The following PAPOLA variants were observed in gnomAD, a reference collection of about 807,000 sequenced individuals.
PAPOLA encodes polynucleotide adenylyltransferase alpha.
A neutral mutation model predicts 100.6 loss-of-function variants in PAPOLA; 15 were observed. The observed-to-expected ratio is 0.15, with a 90% CI of 0.10 to 0.23. The LOEUF is 0.23. Among genes scored for constraint, PAPOLA ranks in the 10% least tolerant of loss-of-function variants. PAPOLA has a pLI of 1.00. For missense variants in PAPOLA, 533 were observed against 884.2 expected, an observed-to-expected ratio of 0.60 and a Z score of 5.04; for synonymous variants, 293 against 300.0, an observed-to-expected ratio of 0.98 and a Z score of 0.24.
At position 96,555,827 on chromosome 14, in the gene PAPOLA, T is replaced by G; in HGVS notation, c.1665-20T>G. Reference sequence around the variant, plus strand: ...TCTATTTTTAAATTTTGAGACAATTTTTAATTTTTTTTTTTTTAGCAGAAA... The same window carrying G: ...TCTATTTTTAAATTTTGAGACAATTGTTAATTTTTTTTTTTTTAGCAGAAA... On this transcript the variant is annotated intron_variant, in intron 17 of 21. Transcript: ENST00000216277. 7.4e-7 allele frequency: 1 copy of G among 1,354,398 alleles called. No homozygotes were observed. Among genetic ancestry groups the G allele is most frequent in the Non-Finnish European group, 1.0e-6 (1 of 985,488 alleles). 83.9% of individuals were successfully genotyped at this position (1,354,398 alleles called of 1,614,324 possible).
chr14:96,542,602 A>C (rs2140304029), intron 13 of PAPOLA, 172 bp from the exon 14 acceptor site: 1 of 603,118 alleles, frequency 1.7e-6, no homozygotes, highest in East Asian at 3.1e-5. Context: ...GTGTGAATGG[A>C]GTGTTTCTTG....
intron 7 of PAPOLA, 154 bp from the exon 8 acceptor site, chr14:96,532,177 C>T (rs1899078867): frequency 5.7e-6 from 8 of 1,399,610 alleles, no homozygotes; most frequent in African/African-American, 1.5e-5. Context: ...ACTGGTTCTA[C>T]CAAATAAAAA....
chr14:96,507,541 C>T (rs1052098217), intron 1 of PAPOLA, among the ~76,000 whole-genome samples: 6 of 152,042 alleles, frequency 3.9e-5, no homozygotes, highest in Admixed American at 1.3e-4. Flanking sequence ...TCCCAAAGTG[C>T]TGGGATTACA....
At chr14:96,520,928 A>G (rs745578488) in intron 2 of PAPOLA, 78 bp from the exon 3 acceptor site, 1 of 765,176 alleles carries the variant, frequency 1.3e-6, no homozygotes, top group Non-Finnish European at 2.4e-6. Context: ...TAATTTAGGA[A>G]GAACGCCTAT....
At chr14:96,507,389 G>A (rs1566829688) in intron 1 of PAPOLA, among the ~76,000 whole-genome samples, 1 of 137,948 alleles carries the variant, frequency 7.2e-6, no homozygotes, top group Non-Finnish European at 1.5e-5. Flanking sequence ...CCGGGTTCAC[G>A]CCATTCTCCT....
At chr14:96,525,159 A>AT (rs1898355215) in intron 3 of PAPOLA, 151 bp from the exon 4 acceptor site, 3 of 520,742 alleles carry the variant, frequency 5.8e-6, no homozygotes, top group East Asian at 3.5e-5. Flanking sequence ...AGGGGCTGGT[A>AT]TTTTTTAAGA....
chr14:96,514,416 C>T (rs144750657), intron 1 of PAPOLA, among the ~76,000 whole-genome samples: 41 of 151,884 alleles, frequency 2.7e-4, no homozygotes, highest in African/African-American at 9.4e-4. Context: ...CTCCTGACGT[C>T]GTGATCCGCC....
At chr14:96,534,172 T>C (rs1292815935) in intron 9 of PAPOLA, 7 of 1,088,824 alleles carry the variant, frequency 6.4e-6, no homozygotes, top group African/African-American at 1.6e-5. Flanking sequence ...TGGAGATTTA[T>C]TCTGTTCAAG....
intron 16 of PAPOLA, among the ~76,000 whole-genome samples, chr14:96,549,216 C>G (rs1341337384): frequency 2.0e-5 from 3 of 151,296 alleles, no homozygotes; most frequent in Non-Finnish European, 4.4e-5. Flanking sequence ...GGTCTAAAAT[C>G]AGTTTTTAAG....
intron 3 of PAPOLA, among the ~76,000 whole-genome samples, chr14:96,521,645 C>G (rs917455830): frequency 6.6e-6 from 1 of 152,152 alleles, no homozygotes; most frequent in Non-Finnish European, 1.5e-5. Context: ...CATGTCCCTT[C>G]ACACCTGGCT....
intron 21 of PAPOLA, among the ~76,000 whole-genome samples, chr14:96,563,264 AAT>A (rs1268341880): frequency 2.6e-5 from 4 of 152,208 alleles, no homozygotes; most frequent in Admixed American, 2.6e-4. Context: ...TGCAAAGGCT[AAT>A]ATATTTTTAT....
At chr14:96,525,872 G>GT (rs1487101482) in intron 4 of PAPOLA, 1 of 152,380 alleles carries the variant, frequency 6.6e-6, no homozygotes, top group Non-Finnish European at 1.5e-5. Context: ...ATACAGAGTA[G>GT]TTTTTCTGTT....
rs1902262201 is a variant in PAPOLA, at chr14:96,566,263, C to A, written c.*1213C>A. On this transcript the variant is annotated 3_prime_UTR_variant, in exon 22 of 22. Coordinates refer to ENST00000216277, the MANE Select transcript of PAPOLA (RefSeq NM_032632.5). ...GAAGCATTTTAAAAATCATTTCTAG[C>A]AAGCACTTGACATCTAGTCAGCTCT... The A allele has an allele frequency of 4.8e-6, 1 of 208,332 alleles. No homozygotes were observed. The highest frequency in any genetic ancestry group is 2.3e-5 in the African/African-American group (1 of 43,872). The allele number at this position is 208,332 out of a possible 1,614,324, so 12.9% of individuals were successfully genotyped here.
chr14:96,565,769 TTTTC>T lies in PAPOLA; in HGVS notation c.*723_*726del. The T allele has an allele frequency of 5.0e-6, 2 of 398,272 alleles. No individual in the cohort carries two copies. The highest frequency in any genetic ancestry group is 8.9e-6 in the Non-Finnish European group (2 of 225,762). The allele number at this position is 398,272 out of a possible 1,614,324, so 24.7% of individuals were successfully genotyped here. A position where few individuals can be genotyped will look rare whatever the true frequency, so the allele number is the denominator to read the frequency against. The stretch of plus-strand genomic sequence containing the variant: ...AAATCAGCGATCAGCCAGCAAATAT[TTTTC>T]TTTGAGCTTGTGAAAGCTCTGTGTT... On this transcript the variant is annotated 3_prime_UTR_variant, in exon 22 of 22. Coordinates refer to ENST00000216277, the MANE Select transcript of PAPOLA (RefSeq NM_032632.5).
intron 21 of PAPOLA, 53 bp downstream of exon 21, chr14:96,562,946 T>G: frequency 9.8e-7 from 1 of 1,023,154 alleles, no homozygotes; most frequent in Admixed American, 1.9e-5. Flanking sequence ...AAGATTAGTG[T>G]GGTATATTGA....
intron 16 of PAPOLA, 114 bp from the exon 17 acceptor site, chr14:96,552,366 A>AT: frequency 2.1e-6 from 2 of 975,392 alleles, no homozygotes; most frequent in Non-Finnish European, 3.0e-6. Flanking sequence ...ACTTTCGTAG[A>AT]TTTAGTGATC....
chr14:96,555,459 T>C (rs1218243450), intron 17 of PAPOLA, among the ~76,000 whole-genome samples: 3 of 152,050 alleles, frequency 2.0e-5, no homozygotes, highest in African/African-American at 4.8e-5. Context: ...AATAGATCTT[T>C]TAGAACCACT....
At position 96,566,871 on chromosome 14, in the gene PAPOLA, T is replaced by A. The variant is rs144937738; in HGVS notation, c.*1821T>A. ...ACAATTCAGTTTATTAAACGTTTCA[T>A]GTAACTGCACCCAAGTTTTGCCAAG... On this transcript the variant is annotated 3_prime_UTR_variant, in exon 22 of 22. Transcript: ENST00000216277. 1.2e-4 allele frequency: 19 copies of A among 152,748 alleles called. No homozygotes were observed. The highest frequency in any genetic ancestry group is 5.9e-4 in the Admixed American group (9 of 15,290). The allele number at this position is 152,748 out of a possible 1,614,324, so 9.5% of individuals were successfully genotyped here.
chr14:96,529,936 C>T (rs571274944), intron 6 of PAPOLA, among the ~76,000 whole-genome samples: 2 of 152,176 alleles, frequency 1.3e-5, no homozygotes, highest in Non-Finnish European at 2.9e-5. Context: ...TTGTTTTAGG[C>T]TGTACTTTCC....
Sources: allele counts gnomAD v4.1 joint callset (sites outside exome capture counted in the v4.1 genomes callset), GRCh38; gene constraint gnomAD v4.1.1; transcripts MANE v1.5; gene names NCBI Gene and HGNC (gene_info 2026-07-23, HGNC 2026-07-21).